The following RDH11 variants were observed in gnomAD, a reference collection of about 807,000 sequenced individuals.
The protein encoded by RDH11 is retinol dehydrogenase 11.
Under a neutral mutation model 33.4 loss-of-function variants are expected in RDH11, and 19 were observed. The ratio of observed to expected loss-of-function variants is 0.57; its 90% CI spans 0.40 to 0.83. The LOEUF (loss-of-function observed/expected upper bound fraction) is 0.83, where lower values mean the gene tolerates loss of function less well. RDH11 is among the 40% of genes least tolerant of loss of function. The pLI is 0.00. For synonymous variants in RDH11, 154 were observed against 155.3 expected (o/e 0.99, Z 0.06); for missense variants, 353 against 389.0 (o/e 0.91, Z 0.78).
chr14:67,693,527 A>C lies in RDH11; in HGVS notation c.75-475T>G, dbSNP rs1439638308. ...GGACAAAATAAACAAGAAAAAAAAA[A>C]CACACCCACACGCATGCACATACAC... On this transcript the variant is annotated intron_variant, in intron 1 of 6. Transcript: ENST00000381346. Among the ~76,000 whole-genome samples the C allele has an allele frequency of 5.3e-5, 8 of 151,042 alleles. No homozygotes were observed. In the East Asian group the frequency reaches 1.2e-3, roughly 22 times the overall value.
Position 67,678,308 on chromosome 14 carries a change from C to A in RDH11, c.*13G>T, listed in dbSNP as rs540437881. The A allele has an allele frequency of 6.4e-7, 1 of 1,555,380 alleles. No homozygotes were observed. The highest frequency in any genetic ancestry group is 1.7e-5 in the Admixed American group (1 of 59,922). On this transcript the variant is annotated 3_prime_UTR_variant, in exon 7 of 7. Transcript: ENST00000381346. ...TGCTGCAGTCTTCTCTTGGGTCCAA[C>A]TGGCACTGCCTGTTAGTCTATTGGG... is the stretch of plus-strand genomic sequence containing the variant.
intron 4 of RDH11, 66 bp from the exon 5 acceptor site, chr14:67,690,487 C>T: frequency 7.5e-7 from 1 of 1,335,426 alleles, no homozygotes; most frequent in South Asian, 1.2e-5. Context: ...TCGTGGTGAG[C>T]AGGCCTCACC....
chr14:67,678,267 G>A lies in RDH11; in HGVS notation c.*54C>T. On this transcript the variant is annotated 3_prime_UTR_variant, in exon 7 of 7. Coordinates refer to ENST00000381346, the MANE Select transcript of RDH11 (RefSeq NM_016026.4). Reference sequence around the variant, plus strand: ...CCTTGAAGGAGAATCATTTTGACAAGAAGTACTGTGTAGTCTGCTGCAGTC... The same window carrying A: ...CCTTGAAGGAGAATCATTTTGACAAAAAGTACTGTGTAGTCTGCTGCAGTC... 1.8e-6 allele frequency: 2 copies of A among 1,130,230 alleles called. No homozygotes were observed. The highest frequency in any genetic ancestry group is 1.3e-6 in the Non-Finnish European group (1 of 745,854). The allele number at this position is 1,130,230 out of a possible 1,614,324, so 70.0% of individuals were successfully genotyped here.
At chr14:67,692,630 T>C in intron 2 of RDH11, 37 bp from the exon 3 acceptor site, 1 of 1,515,178 alleles carries the variant, frequency 6.6e-7, no homozygotes, top group Non-Finnish European at 8.8e-7. Context: ...TGGTCAGCTC[T>C]GTTTTTGAGC....
chr14:67,685,212 G>C lies in RDH11; in HGVS notation c.665-8C>G. On this transcript the variant is annotated splice_region_variant and splice_polypyrimidine_tract_variant and intron_variant, in intron 5 of 6. Transcript: ENST00000381346. ...ACGTCGTAACGCCAGAGCCTGGTTG[G>C]GGGTGGCATGAAGAGAGGGTAAGAC... 6.2e-7 allele frequency: 1 copy of C among 1,607,890 alleles called. No homozygotes were observed. The highest frequency in any genetic ancestry group is 8.5e-7 in the Non-Finnish European group (1 of 1,176,584).
intron 2 of RDH11, 92 bp from the exon 3 acceptor site, chr14:67,692,685 C>A: frequency 6.9e-7 from 1 of 1,446,856 alleles, no homozygotes; most frequent in Non-Finnish European, 9.3e-7. Flanking sequence ...TTTTAAAAAA[C>A]ACACATTTTT....
At position 67,676,853 on chromosome 14, in the gene RDH11, C is replaced by CA. The variant is rs1040801018; in HGVS notation, c.*1467dup. On this transcript the variant is annotated 3_prime_UTR_variant, in exon 7 of 7. Transcript: ENST00000381346. The stretch of plus-strand genomic sequence containing the variant: ...TAGTTTTTATTCTGGTAAATGAAAA[C>CA]AAAAAATAATCAAAAAGAATTTTTA... 1.3e-5 allele frequency: 2 copies of CA among 151,900 alleles called. No individual in the cohort carries two copies. Among genetic ancestry groups the CA allele is most frequent in the African/African-American group, 4.8e-5 (2 of 41,366 alleles). 9.4% of individuals were successfully genotyped at this position (151,900 alleles called of 1,614,324 possible).
Position 67,691,219 on chromosome 14 carries a change from G to T in RDH11, c.375C>A (p.Ile125=). ...GACACATCATCACTCCTGCATTGTTGATCAAAACGTGGAGGTGCTTTTCCT... is the reference window on the plus strand; with the variant it reads ...GACACATCATCACTCCTGCATTGTTTATCAAAACGTGGAGGTGCTTTTCCT... The part of the protein sequence containing the change: ...LAEEKHLHVL[I]NNAGVMMCPY... Residue 125 remains isoleucine (I), a synonymous_variant, in exon 4 of 7, where the codon ATC becomes ATA. Coordinates refer to ENST00000381346, the MANE Select transcript of RDH11 (RefSeq NM_016026.4). The T allele has an allele frequency of 6.2e-7, 1 of 1,613,844 alleles. No individual in the cohort carries two copies. The highest frequency in any genetic ancestry group is 1.3e-5 in the African/African-American group (1 of 75,038).
intron 4 of RDH11, 166 bp from the exon 5 acceptor site, chr14:67,690,587 TAAC>T (rs2037736900): frequency 1.6e-6 from 1 of 620,584 alleles, no homozygotes; most frequent in Non-Finnish European, 2.8e-6. Flanking sequence ...TTTAGGGAAA[TAAC>T]AACAGCCAAA....
intron 6 of RDH11, among the ~76,000 whole-genome samples, chr14:67,680,235 A>C (rs2037597837): frequency 6.6e-6 from 1 of 152,240 alleles, no homozygotes; most frequent in Non-Finnish European, 1.5e-5. Flanking sequence ...TCTGTTTAAG[A>C]AGACTCACCA....
intron 6 of RDH11, among the ~76,000 whole-genome samples, chr14:67,679,735 C>A (rs757972319): frequency 1.3e-5 from 2 of 151,960 alleles, no homozygotes; most frequent in African/African-American, 4.8e-5. Flanking sequence ...TTTATAATTC[C>A]GATGCAGAAA....
chr14:67,692,598 C>A lies in RDH11; in HGVS notation c.194-5G>T. The stretch of plus-strand genomic sequence containing the variant: ...AAGCTAAATATACTCGAGCTCCTGT[C>A]AGCCAACATATGAAAGAGAAATGGT... On this transcript the variant is annotated splice_polypyrimidine_tract_variant and splice_region_variant and intron_variant, in intron 2 of 6. Transcript: ENST00000381346. 1.3e-6 allele frequency: 2 copies of A among 1,555,478 alleles called. No homozygotes were observed. Among genetic ancestry groups the A allele is most frequent in the South Asian group, 1.2e-5 (1 of 80,786 alleles).
At chr14:67,678,488 T>C (rs2037572423) in intron 6 of RDH11, 65 bp from the exon 7 acceptor site, 2 of 1,098,354 alleles carry the variant, frequency 1.8e-6, no homozygotes, top group Non-Finnish European at 2.8e-6. Flanking sequence ...CTGCCAGGGA[T>C]AAGGAATATG....
chr14:67,690,881 C>T, intron 4 of RDH11: 1 of 474,396 alleles, frequency 2.1e-6, no homozygotes, highest in Non-Finnish European at 3.8e-6. Context: ...AAGAAAGCAA[C>T]ACAGTCCCCT....
chr14:67,694,489 C>CATATAT (rs758852140), intron 1 of RDH11, among the ~76,000 whole-genome samples: 17 of 144,230 alleles, frequency 1.2e-4, no homozygotes, highest in African/African-American at 3.9e-4. Context: ...CACACACACA[C>CATATAT]ATATATATAT....
At chr14:67,679,224 T>C (rs536603917) in intron 6 of RDH11, among the ~76,000 whole-genome samples, 1 of 152,264 alleles carries the variant, frequency 6.6e-6, no homozygotes, top group African/African-American at 2.4e-5. Flanking sequence ...GTTCCAGAGA[T>C]AATGGCATTA....
intron 6 of RDH11, among the ~76,000 whole-genome samples, chr14:67,681,674 C>T (rs1402468098): frequency 3.3e-5 from 5 of 151,948 alleles, no homozygotes; most frequent in African/African-American, 7.3e-5. Context: ...CCCAGCTACT[C>T]GGGAGGCTGA....
chr14:67,678,480 G>T, intron 6 of RDH11, 57 bp from the exon 7 acceptor site: 1 of 1,173,576 alleles, frequency 8.5e-7, no homozygotes, highest in Non-Finnish European at 1.3e-6. Context: ...TCTGCCATCT[G>T]CCAGGGATAA....
rs758852140 is a variant in RDH11 at position 67,694,489 on chromosome 14, CAT to C, written c.74+1139_74+1140del. ...ACATATATATATATACACACACACA[CAT>C]ATATATATATATATACACACATATA... On this transcript the variant is annotated intron_variant, in intron 1 of 6. Coordinates refer to ENST00000381346, the MANE Select transcript of RDH11 (RefSeq NM_016026.4). Among the ~76,000 whole-genome samples the C allele has an allele frequency of 8.0e-4, 116 of 144,166 alleles. 1 individual carries two copies. The East Asian group carries it at 0.012, about 15-fold the overall frequency. The allele number at this position is 144,166 out of a possible 152,430, so 94.6% of individuals were successfully genotyped here.
Sources: gnomAD v4.1 joint callset for allele counts (sites outside exome capture counted in the v4.1 genomes callset) on GRCh38, gnomAD v4.1.1 for gene constraint, MANE v1.5 for transcripts, NCBI Gene and HGNC (gene_info 2026-07-23, HGNC 2026-07-21) for gene names.